The following EPHA6 variants were observed in gnomAD, a reference collection of about 807,000 sequenced individuals.
The protein encoded by EPHA6 is ephrin type-A receptor 6.
EPHA6 carries 50 observed loss-of-function variants against 112.0 expected under a neutral mutation model. The ratio of observed to expected loss-of-function variants is 0.45; its 90% CI spans 0.36 to 0.56. The LOEUF (loss-of-function observed/expected upper bound fraction) is 0.56, where lower values mean the gene tolerates loss of function less well. Ranked by LOEUF, EPHA6 falls within the 20% of genes least tolerant of loss-of-function variation. The pLI, the probability that EPHA6 is intolerant of heterozygous loss-of-function variation, is 0.00. For synonymous variants in EPHA6, 529 were observed against 490.7 expected (o/e 1.08, Z -1.03); for missense variants, 1,280 against 1,417.4 (o/e 0.90, Z 1.56).
chr3:97,627,763 T>A (rs2093870621), intron 13 of EPHA6, among the ~76,000 whole-genome samples: 1 of 151,910 alleles, frequency 6.6e-6, no homozygotes, highest in Admixed American at 6.6e-5. Flanking sequence ...AAGGGAAACA[T>A]CTCTTGGACA....
At chr3:97,268,578 T>A (rs1447212149) in intron 5 of EPHA6, among the ~76,000 whole-genome samples, 2 of 152,202 alleles carry the variant, frequency 1.3e-5, no homozygotes, top group African/African-American at 4.8e-5. Flanking sequence ...CTTGGGGATG[T>A]GGAATGATAG....
intron 14 of EPHA6, among the ~76,000 whole-genome samples, chr3:97,703,121 C>G (rs1365798180): frequency 2.6e-5 from 4 of 152,156 alleles, no homozygotes; most frequent in African/African-American, 9.7e-5. Flanking sequence ...TACGCTAATG[C>G]ACTACAGAGC....
chr3:96,872,813 A>G (rs2036709772), intron 2 of EPHA6, among the ~76,000 whole-genome samples: 1 of 151,942 alleles, frequency 6.6e-6, no homozygotes, highest in Non-Finnish European at 1.5e-5. Context: ...TGAAGTTTGA[A>G]TACAGTATAT....
At chr3:97,034,809 T>C (rs937575091) in intron 3 of EPHA6, among the ~76,000 whole-genome samples, 1 of 151,942 alleles carries the variant, frequency 6.6e-6, no homozygotes, top group Admixed American at 6.6e-5. Flanking sequence ...GGAACTACGA[T>C]ATAGAAATCA....
rs2079341970 is a variant in EPHA6 at position 97,257,139 on chromosome 3, T to G, written c.1606+12852T>G. Among the ~76,000 whole-genome samples the G allele has an allele frequency of 1.3e-5, 2 of 151,896 alleles. 1 individual carries two copies. The highest frequency in any genetic ancestry group is 4.1e-4 in the South Asian group (2 of 4,824). ...TTTAGAATATTCCAAATCAAATCAT[T>G]AACTAGGAAAATACCCTAAAACAAA... On this transcript the variant is annotated intron_variant, in intron 5 of 17. Coordinates refer to ENST00000389672, the MANE Select transcript of EPHA6 (RefSeq NM_001080448.3).
chr3:97,380,483 T>C (rs2085661084), intron 5 of EPHA6, among the ~76,000 whole-genome samples: 1 of 152,102 alleles, frequency 6.6e-6, no homozygotes, highest in Non-Finnish European at 1.5e-5. Flanking sequence ...GTGGATCCCT[T>C]TGGGCTTCAG....
chr3:97,339,875 T>C (rs1403292800), intron 5 of EPHA6, among the ~76,000 whole-genome samples: 1 of 152,164 alleles, frequency 6.6e-6, no homozygotes, highest in Non-Finnish European at 1.5e-5. Context: ...CCTTCAGTGA[T>C]GTCACAGAAG....
intron 14 of EPHA6, among the ~76,000 whole-genome samples, chr3:97,652,767 T>G (rs1257396376): frequency 6.6e-6 from 1 of 152,036 alleles, no homozygotes; most frequent in Admixed American, 6.6e-5. Context: ...GGATCTCAGA[T>G]GAAATTGCTG....
chr3:97,235,029 C>G (rs575668540), intron 4 of EPHA6, among the ~76,000 whole-genome samples: 7 of 152,182 alleles, frequency 4.6e-5, no homozygotes, highest in African/African-American at 1.4e-4. Flanking sequence ...TTGAAATGCT[C>G]CTTCCTTAGG....
At chr3:97,165,881 AT>A (rs1420869418) in intron 3 of EPHA6, among the ~76,000 whole-genome samples, 1 of 152,200 alleles carries the variant, frequency 6.6e-6, no homozygotes, top group Non-Finnish European at 1.5e-5. Context: ...TCAATAAAAA[AT>A]TGCATTGTGT....
intron 5 of EPHA6, among the ~76,000 whole-genome samples, chr3:97,360,221 G>A (rs746913502): frequency 5.3e-5 from 8 of 152,128 alleles, no homozygotes; most frequent in African/African-American, 1.4e-4. Flanking sequence ...AGCTGCTACC[G>A]TGCTAAGATC....
intron 14 of EPHA6, among the ~76,000 whole-genome samples, chr3:97,663,451 A>G (rs1482060316): frequency 6.6e-6 from 1 of 151,726 alleles, no homozygotes; most frequent in Non-Finnish European, 1.5e-5. Flanking sequence ...CGTCATTTAC[A>G]TTAGGCATAT....
chr3:97,532,646 TA>T, intron 11 of EPHA6, 103 bp downstream of exon 11: 2 of 973,494 alleles, frequency 2.1e-6, no homozygotes, highest in Non-Finnish European at 3.0e-6. Context: ...ATTAAAGGAA[TA>T]ACTTAGTTCA....
chr3:97,675,591 C>A (rs956393442), intron 14 of EPHA6, among the ~76,000 whole-genome samples: 1 of 152,112 alleles, frequency 6.6e-6, no homozygotes, highest in South Asian at 2.1e-4. Flanking sequence ...CTTCATCAGC[C>A]TAACTTTATA....
intron 5 of EPHA6, among the ~76,000 whole-genome samples, chr3:97,318,538 G>A (rs749747225): frequency 6.6e-6 from 1 of 151,894 alleles, no homozygotes; most frequent in Non-Finnish European, 1.5e-5. Context: ...TCTTGTTAAG[G>A]TCTCCTATTA....
intron 5 of EPHA6, among the ~76,000 whole-genome samples, chr3:97,278,833 A>G (rs1469487377): frequency 6.6e-6 from 1 of 152,176 alleles, no homozygotes; most frequent in Non-Finnish European, 1.5e-5. Context: ...CAGCAGCAGA[A>G]GGATTTTGAC....
intron 3 of EPHA6, among the ~76,000 whole-genome samples, chr3:97,081,497 A>C (rs2046718129): frequency 6.6e-6 from 1 of 151,870 alleles, no homozygotes; most frequent in Non-Finnish European, 1.5e-5. Context: ...CTATTAAACT[A>C]ATACATCCTT....
chr3:96,841,734 T>A (rs1443404727), intron 1 of EPHA6, among the ~76,000 whole-genome samples: 1 of 151,336 alleles, frequency 6.6e-6, no homozygotes, highest in Non-Finnish European at 1.5e-5. Context: ...CATTTTTTTC[T>A]ATAACATACC....
intron 3 of EPHA6, among the ~76,000 whole-genome samples, chr3:97,017,452 T>C (rs2044302011): frequency 6.6e-6 from 1 of 152,156 alleles, no homozygotes; most frequent in Non-Finnish European, 1.5e-5. Flanking sequence ...ATCCCGGCAG[T>C]CAAAAAATTG....
Sources: allele counts gnomAD v4.1 joint callset (sites outside exome capture counted in the v4.1 genomes callset), GRCh38; gene constraint gnomAD v4.1.1; transcripts MANE v1.5; gene names NCBI Gene and HGNC (gene_info 2026-07-23, HGNC 2026-07-21).